DSCAM: variants seen among roughly 807,000 people sequenced by gnomAD.
DSCAM encodes the protein DS cell adhesion molecule, also known as cell adhesion molecule DSCAM.
A neutral mutation model predicts 217.7 loss-of-function variants in DSCAM; 47 were observed. That is an observed-to-expected ratio of 0.22 (90% CI 0.17 to 0.28). The LOEUF is 0.28. Ranked by LOEUF, DSCAM falls within the 10% of genes least tolerant of loss-of-function variation. The probability of loss-of-function intolerance (pLI) is 1.00; values close to 1 mark genes in which losing one functional copy is unlikely to be tolerated. For synonymous variants in DSCAM, 1,056 were observed against 1,015.3 expected, an observed-to-expected ratio of 1.04 and a Z score of -0.76; for missense variants, 2,080 against 2,618.3, an observed-to-expected ratio of 0.79 and a Z score of 4.49.
chr21:40,346,688 T>C (rs945562531), intron 6 of DSCAM, among the ~76,000 whole-genome samples: 2 of 152,202 alleles, frequency 1.3e-5, no homozygotes. Flanking sequence ...AAAAAGCAAA[T>C]CGTATCACAT....
At chr21:40,462,496 G>A (rs1198451738) in intron 3 of DSCAM, among the ~76,000 whole-genome samples, 4 of 152,204 alleles carry the variant, frequency 2.6e-5, no homozygotes, top group Non-Finnish European at 4.4e-5. Flanking sequence ...CTGCACATTG[G>A]AATCACGTGG....
At chr21:40,403,723 A>G (rs1233400843) in intron 3 of DSCAM, among the ~76,000 whole-genome samples, 4 of 152,130 alleles carry the variant, frequency 2.6e-5, no homozygotes, top group African/African-American at 9.6e-5. Flanking sequence ...CCAATGACAA[A>G]ATCACAAAAG....
intron 3 of DSCAM, among the ~76,000 whole-genome samples, chr21:40,464,981 C>T (rs887033470): frequency 4.6e-5 from 7 of 152,032 alleles, no homozygotes; most frequent in Non-Finnish European, 1.0e-4. Context: ...TCTCATGATC[C>T]GCCTGCCTTG....
intron 3 of DSCAM, among the ~76,000 whole-genome samples, chr21:40,488,351 C>T (rs1376980493): frequency 3.3e-5 from 5 of 150,006 alleles, no homozygotes; most frequent in Admixed American, 2.0e-4. Flanking sequence ...CTCTCCATAT[C>T]GGGGATCCAG....
chr21:40,035,265 A>G (rs62235609), intron 32 of DSCAM, among the ~76,000 whole-genome samples: 4,110 of 90,116 alleles, frequency 0.046, 174 homozygotes, highest in Middle Eastern at 0.085. Context: ...GTATTCAGGA[A>G]ACCCATCTCA....
intron 1 of DSCAM, among the ~76,000 whole-genome samples, chr21:40,801,424 T>G (rs2091739351): frequency 6.6e-6 from 1 of 152,204 alleles, no homozygotes; most frequent in African/African-American, 2.4e-5. Flanking sequence ...AGAGACCATT[T>G]GCTAAACATA....
At chr21:40,110,994 G>A (rs1217677479) in intron 20 of DSCAM, among the ~76,000 whole-genome samples, 6 of 152,212 alleles carry the variant, frequency 3.9e-5, no homozygotes, top group Admixed American at 3.9e-4. Flanking sequence ...ACACTCTGCA[G>A]GATATTATCC....
In DSCAM at chr21:40,766,240, G is replaced by A. The variant is rs371251409; in HGVS notation, c.44-57469C>T. ...TAAAAATCATGAACTGTTAGGACCC[G>A]ATTACAAAGTAAGTTGAAATTCTCC... is the stretch of plus-strand genomic sequence containing the variant. On this transcript the variant is annotated intron_variant, in intron 1 of 32. Coordinates refer to ENST00000400454, the MANE Select transcript of DSCAM (RefSeq NM_001389.5). Among the ~76,000 whole-genome samples the A allele has an allele frequency of 2.0e-3, 310 of 152,044 alleles. 3 individuals carry two copies. In the South Asian group the frequency reaches 0.038, roughly 19 times the overall value.
At chr21:40,115,753 C>T (rs1297258698) in intron 20 of DSCAM, among the ~76,000 whole-genome samples, 2 of 152,128 alleles carry the variant, frequency 1.3e-5, no homozygotes, top group South Asian at 2.1e-4. Context: ...GGCAACTCCT[C>T]AAAGACCTAA....
chr21:40,284,271 G>A (rs913001649), intron 10 of DSCAM, among the ~76,000 whole-genome samples: 4 of 152,230 alleles, frequency 2.6e-5, no homozygotes, highest in African/African-American at 9.6e-5. Context: ...CAGAGGTATA[G>A]TCCTGAGACA....
chr21:40,152,136 A>AC (rs1045728584), intron 16 of DSCAM, among the ~76,000 whole-genome samples: 346 of 152,108 alleles, frequency 2.3e-3, no homozygotes, highest in Non-Finnish European at 4.0e-3. Flanking sequence ...AACACAAAAA[A>AC]AACAAAAAAC....
chr21:40,444,106 T>G lies in DSCAM; in HGVS notation c.509-74861A>C, dbSNP rs146092272. On this transcript the variant is annotated intron_variant, in intron 3 of 32. Coordinates refer to ENST00000400454, the MANE Select transcript of DSCAM (RefSeq NM_001389.5). ...TCTTTCCAGCATTAATAGGGGCTAC[T>G]TTCCTTTCTCAACTTTGAAATATTC... 1.2e-3 allele frequency among the ~76,000 whole-genome samples: 181 copies of G among 152,298 alleles called. 3 individuals are homozygous for G. The East Asian group carries it at 0.027, about 22-fold the overall frequency.
At chr21:40,415,858 G>T (rs527238653) in intron 3 of DSCAM, among the ~76,000 whole-genome samples, 1 of 152,130 alleles carries the variant, frequency 6.6e-6, no homozygotes, top group African/African-American at 2.4e-5. Flanking sequence ...TCTCAGGACG[G>T]CACCATCATG....
intron 3 of DSCAM, among the ~76,000 whole-genome samples, chr21:40,625,971 TATTA>T (rs1258629994): frequency 3.9e-5 from 6 of 152,196 alleles, no homozygotes; most frequent in African/African-American, 1.4e-4. Context: ...TTTAAATCTT[TATTA>T]TTTAGGTGTC....
At chr21:40,779,294 A>G (rs1177864034) in intron 1 of DSCAM, among the ~76,000 whole-genome samples, 1 of 152,182 alleles carries the variant, frequency 6.6e-6, no homozygotes, top group Admixed American at 6.5e-5. Flanking sequence ...AGCCTGACTG[A>G]CTGATGATAA....
At chr21:40,541,435 AT>A (rs2076542192) in intron 3 of DSCAM, among the ~76,000 whole-genome samples, 1 of 152,244 alleles carries the variant, frequency 6.6e-6, no homozygotes, top group African/African-American at 2.4e-5. Context: ...AAATTTAAGT[AT>A]TTTAAGAGAA....
intron 1 of DSCAM, among the ~76,000 whole-genome samples, chr21:40,759,516 G>A (rs2146580248): frequency 2.0e-5 from 3 of 152,320 alleles, no homozygotes; most frequent in Admixed American, 2.0e-4. Context: ...CCTGGGGGCA[G>A]CCTGCCAGCT....
rs980633905 is a variant in DSCAM, at chr21:40,286,902, C to T, written c.2182+9153G>A. Reference sequence around the variant, plus strand: ...TCTGCAGTGTGATCCACAGGTGGATCTGAAGCATGATCTGCAGTATGATCC... The same window carrying T: ...TCTGCAGTGTGATCCACAGGTGGATTTGAAGCATGATCTGCAGTATGATCC... On this transcript the variant is annotated intron_variant, in intron 10 of 32. Coordinates refer to ENST00000400454, the MANE Select transcript of DSCAM (RefSeq NM_001389.5). Among the ~76,000 whole-genome samples, 4 of 151,244 alleles carry T rather than the reference C, an allele frequency of 2.6e-5. No homozygotes were observed. The East Asian group carries it at 7.8e-4, about 30-fold the overall frequency.
chr21:40,658,917 A>C (rs2090105152), intron 3 of DSCAM, among the ~76,000 whole-genome samples: 1 of 152,174 alleles, frequency 6.6e-6, no homozygotes, highest in Non-Finnish European at 1.5e-5. Context: ...CCTGAGATGA[A>C]TGGAAAGTTG....
Sources: allele counts gnomAD v4.1 joint callset (sites outside exome capture counted in the v4.1 genomes callset), GRCh38; gene constraint gnomAD v4.1.1; transcripts MANE v1.5; gene names NCBI Gene and HGNC (gene_info 2026-07-23, HGNC 2026-07-21).